The following DGKH variants were observed in gnomAD, a reference collection of about 807,000 sequenced individuals.
DGKH encodes DAG kinase eta.
In DGKH, 90 loss-of-function variants were observed where a neutral mutation model predicts 159.3. The observed-to-expected ratio is 0.57, with a 90% confidence interval of 0.48 to 0.67. DGKH has a LOEUF of 0.67. Ranked by LOEUF, DGKH falls within the 30% of genes least tolerant of loss-of-function variation. The pLI is 0.00. For missense variants in DGKH, 1,181 were observed against 1,506.1 expected, an observed-to-expected ratio of 0.78 and a Z score of 3.57; for synonymous variants, 536 against 553.8, an observed-to-expected ratio of 0.97 and a Z score of 0.45.
intron 26 of DGKH, 111 bp from the exon 27 acceptor site, chr13:42,219,118 AC>A: frequency 7.7e-7 from 1 of 1,305,268 alleles, no homozygotes. Flanking sequence ...TTTAAAAAAT[AC>A]TACCTTAATA....
chr13:42,138,584 T>C (rs901031795), intron 3 of DGKH, among the ~76,000 whole-genome samples: 2 of 152,172 alleles, frequency 1.3e-5, no homozygotes, highest in African/African-American at 4.8e-5. Flanking sequence ...AAGTATTAGG[T>C]CATGTTTTGG....
At chr13:42,087,610 T>C (rs1252780421) in intron 1 of DGKH, among the ~76,000 whole-genome samples, 3 of 152,122 alleles carry the variant, frequency 2.0e-5, no homozygotes, top group Non-Finnish European at 2.9e-5. Flanking sequence ...CTTCTAGTGA[T>C]GAAAATGCAA....
At chr13:42,225,928 CA>C (rs1299201523) in intron 29 of DGKH, among the ~76,000 whole-genome samples, 2 of 151,802 alleles carry the variant, frequency 1.3e-5, no homozygotes, top group African/African-American at 4.8e-5. Flanking sequence ...GCAATTGCAA[CA>C]AAAGCCAAAA....
intron 3 of DGKH, among the ~76,000 whole-genome samples, chr13:42,154,521 T>G (rs1955991740): frequency 6.6e-6 from 1 of 152,218 alleles, no homozygotes; most frequent in Non-Finnish European, 1.5e-5. Flanking sequence ...TTAAGTTGCC[T>G]TTTTAATAAC....
downstream of DGKH, among the ~76,000 whole-genome samples, chr13:42,247,229 C>CT (rs71096565): frequency 2.2e-3 from 224 of 101,376 alleles, no homozygotes; most frequent in South Asian, 0.023. Flanking sequence ...ACTATGTATA[C>CT]TTTTTTTTTT....
At chr13:42,214,409 T>C in intron 24 of DGKH, 98 bp from the exon 25 acceptor site, 1 of 1,133,052 alleles carries the variant, frequency 8.8e-7, no homozygotes, top group Non-Finnish European at 1.2e-6. Context: ...GATCTTCATA[T>C]ATTTTTTACT....
At chr13:42,243,881 C>T (rs898718130), downstream of DGKH, among the ~76,000 whole-genome samples, 3 of 151,960 alleles carry the variant, frequency 2.0e-5, no homozygotes, top group Non-Finnish European at 2.9e-5. Context: ...GTGGGATTGA[C>T]GTGAAGAGAG....
intron 1 of DGKH, among the ~76,000 whole-genome samples, chr13:42,103,908 A>G (rs1262386052): frequency 6.6e-6 from 1 of 152,208 alleles, no homozygotes; most frequent in African/African-American, 2.4e-5. Flanking sequence ...TGACTACTAT[A>G]ACTAATCAAA....
chr13:42,210,736 C>T lies in DGKH; in HGVS notation c.2985C>T (p.Cys995=). The T allele has an allele frequency of 6.2e-7, 1 of 1,612,564 alleles. No homozygotes were observed. ...AAGAGGTGTCGCAGATGCAGCTATG[C>T]TCCCAGGCTGCAGAGGAGCTCATTA... ...ATEEVSQMQL[C]SQAAEELITR... is the part of the protein sequence containing the mutation. Residue 995 remains cysteine, a synonymous_variant, in exon 24 of 30, where the codon TGC becomes TGT. Transcript: ENST00000337343.
At chr13:42,070,117 T>G (rs1051329428) in intron 1 of DGKH, 1 of 964,740 alleles carries the variant, frequency 1.0e-6, no homozygotes, top group Non-Finnish European at 1.7e-6. Context: ...TGAAATTGGC[T>G]TATCCATTGG....
chr13:42,152,067 C>T (rs1469618019), intron 3 of DGKH, among the ~76,000 whole-genome samples: 5 of 151,910 alleles, frequency 3.3e-5, no homozygotes, highest in East Asian at 1.9e-4. Flanking sequence ...GTTTCTTGGC[C>T]GTTTGTATGT....
At chr13:42,206,616 CCTTCCGGAGGCTCTAAGGGAGACTCTTAT>C (rs1355842664) in intron 21 of DGKH, among the ~76,000 whole-genome samples, 6 of 129,096 alleles carry the variant, frequency 4.6e-5, no homozygotes, top group Non-Finnish European at 8.2e-5. Context: ...TGGGCTGTTG[CCTTCCGGAGGCTCTAAGGGAGACTCTTAT>C]TTCCCTGTCT....
chr13:42,204,652 C>G (rs1275049881), intron 20 of DGKH, among the ~76,000 whole-genome samples: 1 of 152,198 alleles, frequency 6.6e-6, no homozygotes, highest in East Asian at 1.9e-4. Context: ...TATTCTTCCC[C>G]ATTCTCAGAT....
At chr13:42,193,708 C>T (rs1420757835) in intron 16 of DGKH, among the ~76,000 whole-genome samples, 1 of 152,068 alleles carries the variant, frequency 6.6e-6, no homozygotes, top group Non-Finnish European at 1.5e-5. Flanking sequence ...CCCAGGAGTC[C>T]TATCTATTTA....
chr13:42,176,807 C>T (rs1000141511), intron 12 of DGKH, among the ~76,000 whole-genome samples: 6 of 152,038 alleles, frequency 3.9e-5, no homozygotes, highest in African/African-American at 1.2e-4. Context: ...GAAAATTTTG[C>T]GCTGTGTGAA....
chr13:42,113,178 C>G (rs1191405479), intron 1 of DGKH, among the ~76,000 whole-genome samples: 1 of 152,054 alleles, frequency 6.6e-6, no homozygotes, highest in Non-Finnish European at 1.5e-5. Context: ...TTTTAAAATG[C>G]ACAGAGCCAG....
intron 5 of DGKH, among the ~76,000 whole-genome samples, 157 bp downstream of exon 5, chr13:42,155,956 A>G (rs1208760555): frequency 3.3e-5 from 5 of 152,130 alleles, no homozygotes; most frequent in Admixed American, 6.5e-5. Flanking sequence ...CATTTAAAGG[A>G]AACATACATC....
intron 15 of DGKH, among the ~76,000 whole-genome samples, 193 bp from the exon 16 acceptor site, chr13:42,190,210 T>C (rs191977945): frequency 8.5e-4 from 130 of 152,348 alleles, no homozygotes; most frequent in Non-Finnish European, 1.3e-3. Context: ...GATAAAAATA[T>C]AATTTTAGCA....
chr13:42,159,260 T>TTTTTTTTTTTTTTG lies in DGKH; in HGVS notation c.623-3_623-2insTTTTTTTTTTGTTT. 2 of 1,183,488 alleles carry TTTTTTTTTTTTTTG rather than the reference T, an allele frequency of 1.7e-6. No individual in the cohort carries two copies. The highest frequency in any genetic ancestry group is 2.6e-5 in the East Asian group (1 of 38,848). The allele number at this position is 1,183,488 out of a possible 1,614,324, so 73.3% of individuals were successfully genotyped here. A position where few individuals can be genotyped will look rare whatever the true frequency, so the allele number is the denominator to read the frequency against. Reference sequence around the variant, plus strand: ...GCAGTTGCTCTTTTTTTTTTTTTTTTTTTAGTGTGTAAATTCAAGGCTCAC... The same window carrying TTTTTTTTTTTTTTG: ...GCAGTTGCTCTTTTTTTTTTTTTTTTTTTTTTTTTTTTTGTTTAGTGTGTAAATTCAAGGCTCAC... On this transcript the variant is annotated splice_polypyrimidine_tract_variant and splice_region_variant and intron_variant, in intron 5 of 29. Transcript: ENST00000337343.
Sources: allele counts gnomAD v4.1 joint callset (sites outside exome capture counted in the v4.1 genomes callset), GRCh38; gene constraint gnomAD v4.1.1; transcripts MANE v1.5; gene names NCBI Gene and HGNC (gene_info 2026-07-23, HGNC 2026-07-21).